The following PLEKHG1 variants were observed in gnomAD, a reference collection of about 807,000 sequenced individuals.
The protein encoded by PLEKHG1 is pleckstrin homology and RhoGEF domain containing G1, also known as pleckstrin homology domain-containing family G member 1.
Under a neutral mutation model 100.8 loss-of-function variants are expected in PLEKHG1, and 44 were observed. That is an observed-to-expected ratio of 0.44 (90% confidence interval 0.34 to 0.56). The LOEUF (loss-of-function observed/expected upper bound fraction) is 0.56. PLEKHG1 is among the 20% of genes least tolerant of loss of function. PLEKHG1 has a pLI of 0.01. For missense variants in PLEKHG1, 1,545 were observed against 1,720.9 expected (o/e 0.90, Z 1.81); for synonymous variants, 640 against 662.5 (o/e 0.97, Z 0.52).
chr6:150,766,125 C>G (rs193208785), intron 2 of PLEKHG1, among the ~76,000 whole-genome samples: 1 of 152,312 alleles, frequency 6.6e-6, no homozygotes, highest in Admixed American at 6.5e-5. Context: ...AATCACAGAA[C>G]ATCATTCAAA....
chr6:150,738,413 C>T (rs1170554106), intron 2 of PLEKHG1, among the ~76,000 whole-genome samples: 4 of 152,132 alleles, frequency 2.6e-5, no homozygotes, highest in South Asian at 2.1e-4. Flanking sequence ...TCAACACAGT[C>T]GCAAATATCA....
intron 2 of PLEKHG1, among the ~76,000 whole-genome samples, chr6:150,748,789 AT>A (rs556195738): frequency 6.6e-6 from 1 of 151,190 alleles, no homozygotes; most frequent in South Asian, 2.1e-4. Context: ...TGCCCGGCTA[AT>A]TTTTTTTGTA....
chr6:150,764,806 C>T (rs943833701), intron 2 of PLEKHG1, among the ~76,000 whole-genome samples: 6 of 152,168 alleles, frequency 3.9e-5, no homozygotes, highest in African/African-American at 9.7e-5. Context: ...CTCCCTGGAA[C>T]GGACCACTTC....
chr6:150,661,049 T>A (rs1562418424), intron 3 of PLEKHG1, among the ~76,000 whole-genome samples: 1 of 152,158 alleles, frequency 6.6e-6, no homozygotes, highest in Non-Finnish European at 1.5e-5. Flanking sequence ...GAGTGAATAG[T>A]GGAAACTGGA....
At chr6:150,711,108 C>CT (rs1374433115) in intron 3 of PLEKHG1, among the ~76,000 whole-genome samples, 1 of 152,162 alleles carries the variant, frequency 6.6e-6, no homozygotes, top group East Asian at 1.9e-4. Flanking sequence ...AAAATGATGT[C>CT]TTTTTAACGT....
intron 2 of PLEKHG1, among the ~76,000 whole-genome samples, chr6:150,642,930 A>G (rs1778331465): frequency 6.7e-6 from 1 of 149,080 alleles, no homozygotes; most frequent in Admixed American, 6.6e-5. Context: ...ACTTAAGTGA[A>G]GCTCATTCAT....
At chr6:150,713,154 G>A (rs1044124780) in intron 3 of PLEKHG1, among the ~76,000 whole-genome samples, 12 of 152,204 alleles carry the variant, frequency 7.9e-5, no homozygotes, top group African/African-American at 2.9e-4. Context: ...TGTGAAGGAA[G>A]AAAGATCAGC....
chr6:150,730,421 G>A (rs958009166), intron 1 of PLEKHG1, among the ~76,000 whole-genome samples: 1 of 152,032 alleles, frequency 6.6e-6, no homozygotes, highest in Non-Finnish European at 1.5e-5. Flanking sequence ...CATAAGGATC[G>A]TGCAACCTAG....
At chr6:150,628,682 G>T (rs1027504784) in intron 1 of PLEKHG1, among the ~76,000 whole-genome samples, 1 of 152,076 alleles carries the variant, frequency 6.6e-6, no homozygotes, top group Non-Finnish European at 1.5e-5. Flanking sequence ...AATGGAGTTG[G>T]TTAATATTCT....
chr6:150,653,983 C>T (rs1026636482), intron 3 of PLEKHG1, among the ~76,000 whole-genome samples: 4 of 152,088 alleles, frequency 2.6e-5, no homozygotes, highest in African/African-American at 9.7e-5. Context: ...CTAATTTATT[C>T]GGTACTACAA....
chr6:150,658,205 G>A (rs1342696162), intron 3 of PLEKHG1, among the ~76,000 whole-genome samples: 1 of 152,124 alleles, frequency 6.6e-6, no homozygotes, highest in Non-Finnish European at 1.5e-5. Context: ...ATACCGTCAT[G>A]CCTTTTCTGT....
intron 4 of PLEKHG1, among the ~76,000 whole-genome samples, chr6:150,795,377 CAG>C (rs1487544586): frequency 2.1e-5 from 3 of 144,810 alleles, no homozygotes; most frequent in Admixed American, 7.0e-5. Context: ...GCCTAGGCGA[CAG>C]AGCGAGATTC....
chr6:150,768,331 G>A (rs1445574667), intron 2 of PLEKHG1, among the ~76,000 whole-genome samples: 2 of 152,164 alleles, frequency 1.3e-5, no homozygotes, highest in Non-Finnish European at 2.9e-5. Context: ...AAAAGCAGAC[G>A]ATGTGGTTAT....
intron 1 of PLEKHG1, among the ~76,000 whole-genome samples, chr6:150,730,474 G>A (rs1782190362): frequency 6.6e-6 from 1 of 152,150 alleles, no homozygotes; most frequent in Non-Finnish European, 1.5e-5. Flanking sequence ...GTGCTCCTAT[G>A]AGAATCTAAT....
intron 2 of PLEKHG1, among the ~76,000 whole-genome samples, chr6:150,638,330 A>G (rs1296752231): frequency 1.3e-5 from 2 of 152,076 alleles, no homozygotes; most frequent in South Asian, 2.1e-4. Context: ...TCGTTTTTTA[A>G]TGTGTTTCCT....
intron 2 of PLEKHG1, among the ~76,000 whole-genome samples, chr6:150,765,634 T>C (rs1293935033): frequency 6.6e-6 from 1 of 152,198 alleles, no homozygotes; most frequent in African/African-American, 2.4e-5. Flanking sequence ...AGTTCTTCTT[T>C]CTATAGCATG....
At position 150,786,473 on chromosome 6, in the gene PLEKHG1, A is replaced by T; in HGVS notation, c.582+14A>T. On this transcript the variant is annotated intron_variant, in intron 4 of 15. Transcript: ENST00000358517. ...TTTGTGTCCAAGGTAAGCAGGGTTC[A>T]TCCTTCTGGGCCAACTGAGACAGAT... The T allele has an allele frequency of 6.3e-7, 1 of 1,576,788 alleles. No individual in the cohort carries two copies.
chr6:150,644,354 T>TTTTTTTTTTTTTTTTTTA (rs1778403332), intron 2 of PLEKHG1, among the ~76,000 whole-genome samples: 1 of 142,548 alleles, frequency 7.0e-6, no homozygotes, highest in African/African-American at 2.5e-5. Flanking sequence ...TTTTTTTTTG[T>TTTTTTTTTTTTTTTTTTA]TACAGAGTCT....
chr6:150,622,264 C>T (rs1049761315), intron 1 of PLEKHG1, among the ~76,000 whole-genome samples: 2 of 151,928 alleles, frequency 1.3e-5, no homozygotes, highest in African/African-American at 2.4e-5. Flanking sequence ...TAATTTTGGC[C>T]CAAAGGTAAA....
Sources: gnomAD v4.1 joint callset for allele counts (sites outside exome capture counted in the v4.1 genomes callset) on GRCh38, gnomAD v4.1.1 for gene constraint, MANE v1.5 for transcripts, NCBI Gene and HGNC (gene_info 2026-07-23, HGNC 2026-07-21) for gene names.